The following ZNF705A variants were observed in gnomAD, a reference collection of about 807,000 sequenced individuals.
ZNF705A encodes zinc finger protein 705A.
ZNF705A carries 8 observed loss-of-function variants against 16.6 expected under a neutral mutation model. That is an observed-to-expected ratio of 0.48 (90% CI 0.28 to 0.87). The LOEUF is 0.87. Ranked by LOEUF, ZNF705A falls within the 40% of genes least tolerant of loss-of-function variation. ZNF705A has a pLI of 0.10. For synonymous variants in ZNF705A, 73 were observed against 117.3 expected, an observed-to-expected ratio of 0.62 and a Z score of 2.44; for missense variants, 233 against 359.9, an observed-to-expected ratio of 0.65 and a Z score of 2.85.
chr12:8,173,825 T>C (rs750237390), intron 1 of ZNF705A, among the ~76,000 whole-genome samples: 1 of 152,332 alleles, frequency 6.6e-6, no homozygotes, highest in South Asian at 2.1e-4. Context: ...CGTTTTCTAT[T>C]AGTCCATTAG....
chr12:8,165,601 G>T (rs1335024968), intron 1 of ZNF705A, among the ~76,000 whole-genome samples: 1 of 151,972 alleles, frequency 6.6e-6, no homozygotes, highest in African/African-American at 2.4e-5. Flanking sequence ...TGATGCTGAG[G>T]AGTATGAATG....
upstream of ZNF705A, among the ~76,000 whole-genome samples, chr12:8,172,050 T>G (rs1344403960): frequency 1.3e-5 from 2 of 152,106 alleles, no homozygotes; most frequent in African/African-American, 4.8e-5. Context: ...AAACAGATTC[T>G]TACTTGATTA....
At chr12:8,172,847 G>C (rs59495395) in intron 1 of ZNF705A, among the ~76,000 whole-genome samples, 81,415 of 152,026 alleles carry the variant, frequency 0.54, 21,974 homozygotes, top group Non-Finnish European at 0.57. Context: ...GACTCTAGGT[G>C]GGGTATCGTG....
At position 8,174,689 on chromosome 12, in the gene ZNF705A, T is replaced by G. The variant is rs777417130; in HGVS notation, c.139+237T>G. ...TAGTCTTGACAAGGATTTCATGGTT[T>G]CTTTGGTACTCAGTCTCTAATACTC... is the stretch of plus-strand genomic sequence containing the variant. On this transcript the variant is annotated intron_variant, in intron 2 of 4. Transcript: ENST00000359286. 3.5e-4 allele frequency among the ~76,000 whole-genome samples: 54 copies of G among 152,346 alleles called. No homozygotes were observed. The South Asian group carries it at 0.011, about 30-fold the overall frequency.
intron 1 of ZNF705A, among the ~76,000 whole-genome samples, chr12:8,161,554 A>G (rs1948355328): frequency 6.6e-6 from 1 of 152,048 alleles, no homozygotes; most frequent in Non-Finnish European, 1.5e-5. Context: ...GAAGTTATCC[A>G]TCTCTTCTAG....
At chr12:8,158,968 C>G (rs914072762) in intron 1 of ZNF705A, among the ~76,000 whole-genome samples, 1 of 152,060 alleles carries the variant, frequency 6.6e-6, no homozygotes, top group Admixed American at 6.6e-5. Context: ...TTTGTCCCCC[C>G]ACCCTTTCCT....
chr12:8,160,565 T>C (rs1303852066), intron 1 of ZNF705A, among the ~76,000 whole-genome samples: 1 of 28,982 alleles, frequency 3.5e-5, no homozygotes, highest in Non-Finnish European at 5.2e-5. Context: ...TTTCTAAGTA[T>C]TTTTTTTTTT....
rs148551720 is a variant in ZNF705A at position 8,164,060 on chromosome 12, C to G, written c.-72+6968C>G. On this transcript the variant is annotated intron_variant, in intron 1 of 5. Coordinates refer to the ZNF705A transcript ENST00000396570. ...ATCCTTCACCTCCCTGAGTCCCCCCCTTTATTATTATTTTTATTTTGGAAA... is the reference window on the plus strand; with the variant it reads ...ATCCTTCACCTCCCTGAGTCCCCCCGTTTATTATTATTTTTATTTTGGAAA... Among the ~76,000 whole-genome samples, 714 of 152,232 alleles carry G rather than the reference C, an allele frequency of 4.7e-3. 2 individuals carry two copies. Among genetic ancestry groups the G allele is most frequent in the African/African-American group, 0.017 (697 of 41,524 alleles).
intron 1 of ZNF705A, among the ~76,000 whole-genome samples, chr12:8,164,709 C>G (rs1420405718): frequency 6.6e-6 from 1 of 152,166 alleles, no homozygotes; most frequent in East Asian, 1.9e-4. Context: ...TGTATATGTA[C>G]CACATTTTCT....
chr12:8,175,764 G>A, intron 3 of ZNF705A, 96 bp from the exon 5 acceptor site: 1 of 1,568,840 alleles, frequency 6.4e-7, no homozygotes, highest in Non-Finnish European at 8.7e-7. Context: ...ACATCTAAGT[G>A]TCAACTTTTG....
At chr12:8,178,514 C>T (rs1448348874) in exon 5 of ZNF705A, 1 of 152,248 alleles carries the variant, frequency 6.6e-6, no homozygotes, top group Admixed American at 6.5e-5. Flanking sequence ...TGTGGAGAAA[C>T]CTGATAGATT....
chr12:8,161,328 A>G (rs984792478), intron 1 of ZNF705A, among the ~76,000 whole-genome samples: 1 of 152,156 alleles, frequency 6.6e-6, no homozygotes, highest in East Asian at 1.9e-4. Flanking sequence ...AGAATAAACT[A>G]GGAAGGGTTC....
chr12:8,163,417 A>G (rs1330250632), intron 1 of ZNF705A, among the ~76,000 whole-genome samples: 6 of 152,224 alleles, frequency 3.9e-5, no homozygotes, highest in Non-Finnish European at 8.8e-5. Context: ...ATTGAATGAT[A>G]TTAGCAGCAG....
Position 8,161,725 on chromosome 12 carries a change from G to A in ZNF705A, c.-72+4633G>A, listed in dbSNP as rs1294131190. 5.9e-5 allele frequency among the ~76,000 whole-genome samples: 9 copies of A among 152,096 alleles called. No individual in the cohort carries two copies. In the East Asian group the frequency reaches 7.7e-4, roughly 13 times the overall value. ...GTCCTAGCTTTACCCTCCTTAGGCA[G>A]CCATTCCATCTTTTTGTCAAAGTAA... On this transcript the variant is annotated intron_variant, in intron 1 of 5. Transcript: ENST00000396570.
intron 1 of ZNF705A, among the ~76,000 whole-genome samples, chr12:8,159,290 T>C (rs1367535127): frequency 1.3e-5 from 2 of 152,168 alleles, no homozygotes; most frequent in African/African-American, 4.8e-5. Context: ...TGTGCAAGTA[T>C]CTTTTTTGTA....
At chr12:8,170,111 C>A (rs2120715768), upstream of ZNF705A, among the ~76,000 whole-genome samples, 1 of 151,516 alleles carries the variant, frequency 6.6e-6, no homozygotes, top group Non-Finnish European at 1.5e-5. Flanking sequence ...ATTGCTTGAA[C>A]CCGGGAGGTG....
intron 4 of ZNF705A, among the ~76,000 whole-genome samples, chr12:8,176,444 G>A (rs774959259): frequency 6.6e-6 from 1 of 152,312 alleles, no homozygotes; most frequent in East Asian, 1.9e-4. Context: ...CAATTTTCAT[G>A]TAAAAGGTAG....
At chr12:8,164,116 T>A (rs1284276960) in intron 1 of ZNF705A, among the ~76,000 whole-genome samples, 3 of 152,154 alleles carry the variant, frequency 2.0e-5, no homozygotes, top group East Asian at 1.9e-4. Context: ...AAATCTACCC[T>A]TTTAGCAAAT....
chr12:8,161,397 T>C (rs76279370), intron 1 of ZNF705A, among the ~76,000 whole-genome samples: 7,718 of 152,230 alleles, frequency 0.051, 514 homozygotes, highest in African/African-American at 0.15. Flanking sequence ...CTTTTTTGAA[T>C]GTCTGGTAGA....
Sources: gnomAD v4.1 joint callset for allele counts (sites outside exome capture counted in the v4.1 genomes callset) on GRCh38, gnomAD v4.1.1 for gene constraint, MANE v1.5 for transcripts, NCBI Gene and HGNC (gene_info 2026-07-23, HGNC 2026-07-21) for gene names.